TBC1D1: variants seen among roughly 807,000 people sequenced by gnomAD.
TBC1D1 encodes TBC1 (tre-2/USP6, BUB2, cdc16) domain family, member 1.
TBC1D1 carries 89 observed loss-of-function variants against 125.6 expected under a neutral mutation model. The observed-to-expected ratio is 0.71, with a 90% CI of 0.60 to 0.85. The LOEUF is 0.85. TBC1D1 is among the 40% of genes least tolerant of loss of function. The pLI, the probability that TBC1D1 is intolerant of heterozygous loss-of-function variation, is 0.00. For synonymous variants in TBC1D1, 565 were observed against 564.1 expected (o/e 1.00, Z -0.02); for missense variants, 1,377 against 1,469.2 (o/e 0.94, Z 1.03).
chr4:37,973,508 C>T (rs976698522), intron 2 of TBC1D1, among the ~76,000 whole-genome samples: 10 of 152,160 alleles, frequency 6.6e-5, no homozygotes, highest in Non-Finnish European at 1.3e-4. Flanking sequence ...CTTCAGATTT[C>T]CTTAGTCAAT....
In TBC1D1 at chr4:37,995,521, T is replaced by G. The variant is rs1394552042; in HGVS notation, c.418-18988T>G. 1 of 345,582 alleles carries G rather than the reference T, an allele frequency of 2.9e-6. No individual in the cohort carries two copies. Among genetic ancestry groups the G allele is most frequent in the Non-Finnish European group, 5.7e-6 (1 of 174,602 alleles). The allele number at this position is 345,582 out of a possible 1,614,324, so 21.4% of individuals were successfully genotyped here. A position where few individuals can be genotyped will look rare whatever the true frequency, so the allele number is the denominator to read the frequency against. On this transcript the variant is annotated intron_variant, in intron 2 of 19. Coordinates refer to ENST00000261439, the MANE Select transcript of TBC1D1 (RefSeq NM_015173.4). The surrounding 1 kb of genome is among the most constrained non-coding windows in gnomAD (Gnocchi z 4.3). The stretch of plus-strand genomic sequence containing the variant: ...AGTACACAGATGGTTTCTCTTCACC[T>G]TTTGGGTTGCGGTTTTCTCCAGGTT...
At chr4:37,909,229 T>C (rs1718022546) in intron 2 of TBC1D1, among the ~76,000 whole-genome samples, 1 of 152,204 alleles carries the variant, frequency 6.6e-6, no homozygotes, top group Non-Finnish European at 1.5e-5. Flanking sequence ...CCTCGCATAT[T>C]AAACAAGAAG....
At chr4:37,924,129 C>T (rs1270466515) in intron 2 of TBC1D1, among the ~76,000 whole-genome samples, 1 of 152,146 alleles carries the variant, frequency 6.6e-6, no homozygotes. Flanking sequence ...CCTGCCTCAG[C>T]TCCTGAGGCT....
chr4:37,971,096 T>G (rs1731920595), intron 2 of TBC1D1, among the ~76,000 whole-genome samples: 1 of 152,144 alleles, frequency 6.6e-6, no homozygotes, highest in African/African-American at 2.4e-5. Context: ...ATGGTCAGGC[T>G]TAGTAGGGAA....
At chr4:38,034,758 T>C (rs1475110565) in intron 7 of TBC1D1, among the ~76,000 whole-genome samples, 4 of 152,226 alleles carry the variant, frequency 2.6e-5, no homozygotes, top group East Asian at 3.8e-4. Context: ...TTTCAAAATT[T>C]ATAGACTAAA....
At chr4:37,999,480 G>A (rs778327009) in intron 2 of TBC1D1, among the ~76,000 whole-genome samples, 2 of 152,172 alleles carry the variant, frequency 1.3e-5, no homozygotes, top group Admixed American at 6.5e-5. Flanking sequence ...ATGTAGGCCC[G>A]CAAAGTACAC....
chr4:38,125,239 C>T (rs866221214), intron 18 of TBC1D1, 108 bp downstream of exon 20: 1 of 1,068,758 alleles, frequency 9.4e-7, no homozygotes, highest in East Asian at 2.5e-5. Context: ...TTCTGAACGG[C>T]ATTCTGCATG....
chr4:37,931,215 G>T (rs1488096094), intron 2 of TBC1D1, among the ~76,000 whole-genome samples: 2 of 152,152 alleles, frequency 1.3e-5, no homozygotes, highest in Non-Finnish European at 2.9e-5. Context: ...TGATTCTCCT[G>T]CCTCACCCTC....
intron 2 of TBC1D1, among the ~76,000 whole-genome samples, chr4:38,004,025 C>T (rs1057139807): frequency 1.3e-5 from 2 of 152,192 alleles, no homozygotes; most frequent in Non-Finnish European, 2.9e-5. Context: ...GGTAATGTCT[C>T]ATTTTAGTAG....
At chr4:38,058,661 C>G (rs1329492804) in intron 12 of TBC1D1, among the ~76,000 whole-genome samples, 1 of 152,192 alleles carries the variant, frequency 6.6e-6, no homozygotes, top group Non-Finnish European at 1.5e-5. Flanking sequence ...ATCTTACAAC[C>G]TCTCTTCCAG....
intron 19 of TBC1D1, among the ~76,000 whole-genome samples, chr4:38,135,573 G>A (rs532325036): frequency 2.6e-5 from 4 of 152,318 alleles, no homozygotes; most frequent in South Asian, 2.1e-4. Flanking sequence ...GTTGCACCTC[G>A]GAATGCAGAG....
intron 2 of TBC1D1, among the ~76,000 whole-genome samples, chr4:37,942,639 T>A (rs1376291603): frequency 3.9e-5 from 6 of 151,988 alleles, no homozygotes; most frequent in African/African-American, 4.8e-5. Flanking sequence ...CCCAGGTTCA[T>A]GCCATTCTCC....
intron 3 of TBC1D1, among the ~76,000 whole-genome samples, chr4:38,017,715 A>G (rs1327616425): frequency 1.3e-5 from 2 of 152,194 alleles, no homozygotes; most frequent in Non-Finnish European, 2.9e-5. Flanking sequence ...AAACCAACAC[A>G]CACTGAAACC....
intron 2 of TBC1D1, among the ~76,000 whole-genome samples, chr4:37,970,671 T>C (rs1424923652): frequency 2.0e-5 from 3 of 152,248 alleles, no homozygotes; most frequent in Non-Finnish European, 4.4e-5. Flanking sequence ...CTACCCTCTA[T>C]GCCCCTTGAG....
rs1402193517 is a variant in TBC1D1 at position 38,035,566 on chromosome 4, GTT to G, written c.1303-20_1303-19del. The G allele has an allele frequency of 6.3e-7, 1 of 1,586,286 alleles. No homozygotes were observed. The highest frequency in any genetic ancestry group is 1.1e-5 in the South Asian group (1 of 89,786). ...TTGTTGACGATTAAAAATAAATCCT[GTT>G]TCTGATTTTTGTTTTAAAGAAATTG... On this transcript the variant is annotated intron_variant, in intron 7 of 19. Coordinates refer to ENST00000261439, the MANE Select transcript of TBC1D1 (RefSeq NM_015173.4).
intron 2 of TBC1D1, among the ~76,000 whole-genome samples, chr4:37,970,090 T>G (rs1275420122): frequency 6.6e-6 from 1 of 152,238 alleles, no homozygotes; most frequent in East Asian, 1.9e-4. Context: ...TTCATTACTT[T>G]TTATAGCCAA....
At chr4:38,006,440 A>G (rs1740187760) in intron 2 of TBC1D1, among the ~76,000 whole-genome samples, 1 of 151,182 alleles carries the variant, frequency 6.6e-6, no homozygotes, top group Admixed American at 6.6e-5. Flanking sequence ...TCTGCCACAG[A>G]GGAAGAAATT....
At chr4:37,965,284 C>T (rs1217749039) in intron 2 of TBC1D1, among the ~76,000 whole-genome samples, 3 of 152,136 alleles carry the variant, frequency 2.0e-5, no homozygotes, top group African/African-American at 4.8e-5. Context: ...CGACCTCATG[C>T]GCTGTAAATG....
chr4:38,067,552 C>G (rs1245921252), intron 12 of TBC1D1, among the ~76,000 whole-genome samples: 1 of 152,186 alleles, frequency 6.6e-6, no homozygotes, highest in South Asian at 2.1e-4. Flanking sequence ...GTTTCTTCAG[C>G]CTGGCAAGGA....
Sources: allele counts gnomAD v4.1 joint callset (sites outside exome capture counted in the v4.1 genomes callset), GRCh38; gene constraint gnomAD v4.1.1; non-coding constraint Gnocchi (gnomAD v3.1); transcripts MANE v1.5; gene names NCBI Gene and HGNC (gene_info 2026-07-23, HGNC 2026-07-21).